The following MGAM2 variants were observed in gnomAD, a reference collection of about 807,000 sequenced individuals.
MGAM2 encodes probable maltase-glucoamylase 2.
MGAM2 carries 98 observed loss-of-function variants against 96.1 expected under a neutral mutation model. That is an observed-to-expected ratio of 1.02 (90% confidence interval 0.87 to 1.21). The LOEUF (loss-of-function observed/expected upper bound fraction) is 1.21, where lower values mean the gene tolerates loss of function less well. Among genes scored for constraint, MGAM2 ranks in the 50% most tolerant of loss-of-function variants. The pLI is 0.00. For missense variants in MGAM2, 2,055 were observed against 1,182.4 expected (o/e 1.74, Z -10.82); for synonymous variants, 749 against 414.8 (o/e 1.81, Z -9.79).
chr7:142,121,717 T>G (rs1244785842), intron 3 of MGAM2, among the ~76,000 whole-genome samples: 1 of 151,000 alleles, frequency 6.6e-6, no homozygotes, highest in Non-Finnish European at 1.5e-5. Context: ...TTATATTCTA[T>G]TTATTATATA....
rs1383322199 is a variant in MGAM2 at position 142,117,380 on chromosome 7, G to T, written c.106+401G>T. On this transcript the variant is annotated intron_variant, in intron 2 of 47. Coordinates refer to ENST00000477922, the MANE Select transcript of MGAM2 (RefSeq NM_001293626.2). The stretch of plus-strand genomic sequence containing the variant: ...GGTGGTGGGATGATTAAGTTGGCCT[G>T]GTTATACCAACATACATAGCTATAG... Among the ~76,000 whole-genome samples, 8 of 152,208 alleles carry T rather than the reference G, an allele frequency of 5.3e-5. No individual in the cohort carries two copies. The East Asian group carries it at 1.5e-3, about 29-fold the overall frequency.
chr7:142,132,155 G>T, intron 6 of MGAM2, 70 bp downstream of exon 6: 1 of 605,820 alleles, frequency 1.7e-6, no homozygotes, highest in Non-Finnish European at 2.9e-6. Context: ...TGATTTACTG[G>T]GGGTGGGCAG....
rs911907766 is a variant in MGAM2, at chr7:142,192,199, G to A, written c.4346+2694G>A. Among the ~76,000 whole-genome samples, 4 of 152,046 alleles carry A rather than the reference G, an allele frequency of 2.6e-5. No homozygotes were observed. In the South Asian group the frequency reaches 8.3e-4, roughly 32 times the overall value. ...TGCCCCTGGTGTTCCACAATCAGGG[G>A]CAACATGGTCTTCCAAACAGAAATT... On this transcript the variant is annotated intron_variant, in intron 37 of 47. Transcript: ENST00000477922.
Position 142,159,295 on chromosome 7 carries a change from C to G in MGAM2, c.2172C>G (p.Asp724Glu). 1.4e-6 allele frequency: 1 copy of G among 702,182 alleles called. No individual in the cohort carries two copies. 43.5% of individuals were successfully genotyped at this position (702,182 alleles called of 1,614,324 possible). ...TATTGTTGTTTACCTAGGGTGTGGA[C>G]GAAGTGAAAGCATACATACCTGATG... The part of the protein sequence containing the change: ...LITPVLYEGV[D>E]EVKAYIPDAT... Residue 724 changes from aspartate to glutamate, a missense_variant, in exon 20 of 48, where the codon GAC becomes GAG. Transcript: ENST00000477922.
chr7:142,206,963 C>T (rs961833157), intron 45 of MGAM2, among the ~76,000 whole-genome samples: 3 of 152,074 alleles, frequency 2.0e-5, no homozygotes, highest in Non-Finnish European at 4.4e-5. Flanking sequence ...GTAGTGTTTG[C>T]CCAGGTTGCA....
chr7:142,198,326 T>C, intron 43 of MGAM2, 131 bp downstream of exon 43: 1 of 615,072 alleles, frequency 1.6e-6, no homozygotes, highest in Non-Finnish European at 2.9e-6. Context: ...GCAAGGCTTG[T>C]TTAAATGAAA....
chr7:142,114,155 AAAG>A (rs1554499541), intron 1 of MGAM2, among the ~76,000 whole-genome samples: 1 of 68,652 alleles, frequency 1.5e-5, no homozygotes, highest in Non-Finnish European at 2.6e-5. Flanking sequence ...AGAAAGAAGG[AAAG>A]AAAGAAAGAA....
At chr7:142,175,921 T>A in intron 32 of MGAM2, 141 bp downstream of exon 32, 1 of 442,384 alleles carries the variant, frequency 2.3e-6, no homozygotes, top group Non-Finnish European at 4.0e-6. Context: ...CAACTTCTTG[T>A]GGTGAATCTA....
At position 142,161,159 on chromosome 7, in the gene MGAM2, G is replaced by C. The variant is rs1180322030; in HGVS notation, c.2380G>C (p.Asp794His). Reference protein sequence around the residue: ...RNSLGLIIALDYKREAKGELY... With the variant: ...RNSLGLIIALHYKREAKGELY... ...TTCCCTGGGACTCATCATCGCCTTG[G>C]ACTATAAGAGAGAAGCAAAGGGGGA... Residue 794 changes from aspartate to histidine, a missense_variant, in exon 22 of 48, where the codon GAC becomes CAC. By Grantham distance (81) the Asp-to-His change is moderately conservative. Transcript: ENST00000477922. 1.4e-6 allele frequency: 1 copy of C among 702,740 alleles called. No individual in the cohort carries two copies. The highest frequency in any genetic ancestry group is 2.0e-5 in the Admixed American group (1 of 50,012). 43.5% of individuals were successfully genotyped at this position (702,740 alleles called of 1,614,324 possible). A position where few individuals can be genotyped will look rare whatever the true frequency, so the allele number is the denominator to read the frequency against.
At chr7:142,160,357 G>C (rs1431084874) in intron 21 of MGAM2, 99 bp downstream of exon 21, 10 of 574,248 alleles carry the variant, frequency 1.7e-5, no homozygotes, top group Admixed American at 3.2e-5. Context: ...ATGAGCCAAG[G>C]GATAAGTCAC....
At position 142,124,194 on chromosome 7, in the gene MGAM2, G is replaced by A. The variant is rs145999333; in HGVS notation, c.186+3813G>A. Among the ~76,000 whole-genome samples the A allele has an allele frequency of 1.0e-3, 154 of 151,918 alleles. No individual in the cohort carries two copies. The East Asian group carries it at 0.025, about 24-fold the overall frequency. ...TCACCATTTTTGTCAGGCTGTTCTC[G>A]AACTCCTGACCTTGTGATCCGCCCA... On this transcript the variant is annotated intron_variant, in intron 3 of 47. Transcript: ENST00000477922.
chr7:142,218,483 C>T lies in MGAM2; in HGVS notation c.5310C>T (p.Asp1770=), dbSNP rs1272295729. The T allele has an allele frequency of 1.4e-6, 1 of 700,828 alleles. No individual in the cohort carries two copies. Among genetic ancestry groups the T allele is most frequent in the Non-Finnish European group, 2.6e-6 (1 of 384,200 alleles). The allele number at this position is 700,828 out of a possible 1,614,324, so 43.4% of individuals were successfully genotyped here. A position where few individuals can be genotyped will look rare whatever the true frequency, so the allele number is the denominator to read the frequency against. ...TGACACAAGTCAGTTTCACCTATGA[C>T]AACCGGCAATTTATGGAGACAAATT... ...TYVTQVSFTY[D]NRQFMETNFK... is the part of the protein sequence containing the mutation. Residue 1770 remains aspartate, a synonymous_variant, in exon 47 of 48, where the codon GAC becomes GAT. Coordinates refer to ENST00000477922, the MANE Select transcript of MGAM2 (RefSeq NM_001293626.2).
chr7:142,156,545 C>T (rs1795742427), intron 17 of MGAM2, among the ~76,000 whole-genome samples: 1 of 152,188 alleles, frequency 6.6e-6, no homozygotes, highest in African/African-American at 2.4e-5. Context: ...TCTCAATAAA[C>T]ATAGTTCAAG....
chr7:142,145,329 T>C (rs766788861), intron 14 of MGAM2, among the ~76,000 whole-genome samples: 3 of 152,134 alleles, frequency 2.0e-5, no homozygotes, highest in Non-Finnish European at 4.4e-5. Flanking sequence ...TTCTTAACTG[T>C]TTTCTTTATT....
chr7:142,201,917 A>G (rs1797247731), intron 45 of MGAM2, among the ~76,000 whole-genome samples: 1 of 152,236 alleles, frequency 6.6e-6, no homozygotes, highest in Non-Finnish European at 1.5e-5. Flanking sequence ...TTCATCAATA[A>G]GTATATTGGT....
At position 142,158,025 on chromosome 7, in the gene MGAM2, A is replaced by G; in HGVS notation, c.2012A>G (p.Tyr671Cys). The stretch of plus-strand genomic sequence containing the variant: ...AACATCCGCTACACCTTGCTGCCCT[A>G]TCTCTATACCCTTTTCTACCATGCT... ...YLNIRYTLLP[Y>C]LYTLFYHAHT... Residue 671 changes from tyrosine (Y) to cysteine (C), a missense_variant, in exon 18 of 48, where the codon TAT becomes TGT. Coordinates refer to ENST00000477922, the MANE Select transcript of MGAM2 (RefSeq NM_001293626.2). 1.4e-6 allele frequency: 1 copy of G among 702,954 alleles called. No homozygotes were observed. The allele number at this position is 702,954 out of a possible 1,614,324, so 43.5% of individuals were successfully genotyped here. A position where few individuals can be genotyped will look rare whatever the true frequency, so the allele number is the denominator to read the frequency against.
intron 26 of MGAM2, among the ~76,000 whole-genome samples, chr7:142,169,497 G>T (rs1004063618): frequency 6.6e-6 from 1 of 151,922 alleles, no homozygotes; most frequent in Non-Finnish European, 1.5e-5. Context: ...TGACAAAGAG[G>T]ATAGTCACTC....
intron 3 of MGAM2, among the ~76,000 whole-genome samples, chr7:142,125,138 C>T (rs1794698115): frequency 6.6e-6 from 1 of 152,212 alleles, no homozygotes; most frequent in South Asian, 2.1e-4. Flanking sequence ...GAAAATGGAA[C>T]TTCCTGGAGA....
intron 37 of MGAM2, among the ~76,000 whole-genome samples, chr7:142,192,345 C>A (rs937756551): frequency 3.3e-5 from 5 of 152,134 alleles, no homozygotes; most frequent in African/African-American, 1.2e-4. Flanking sequence ...CAGGAAAACA[C>A]CCATGTCATT....
Sources: gnomAD v4.1 joint callset for allele counts (sites outside exome capture counted in the v4.1 genomes callset) on GRCh38, gnomAD v4.1.1 for gene constraint, MANE v1.5 for transcripts, NCBI Gene and HGNC (gene_info 2026-07-23, HGNC 2026-07-21) for gene names.